Variants in GABRA5 observed in about 807,000 individuals in gnomAD.
GABRA5 encodes gamma-aminobutyric acid receptor subunit alpha-5.
GABRA5 carries 18 observed loss-of-function variants against 47.3 expected under a neutral mutation model. The observed-to-expected ratio is 0.38, with a 90% CI of 0.26 to 0.56. The LOEUF is 0.56. Ranked by LOEUF, GABRA5 falls within the 20% of genes least tolerant of loss-of-function variation. The pLI is 0.71. For synonymous variants in GABRA5, 237 were observed against 229.3 expected (o/e 1.03, Z -0.30); for missense variants, 365 against 599.3 (o/e 0.61, Z 4.08).
chr15:26,926,567 T>G (rs1893967124), intron 7 of GABRA5, among the ~76,000 whole-genome samples: 1 of 152,190 alleles, frequency 6.6e-6, no homozygotes, highest in Non-Finnish European at 1.5e-5. Context: ...GGGACATCAT[T>G]ACTTAGAACA....
Position 26,867,091 on chromosome 15 carries a change from G to C in GABRA5, c.-160G>C, listed in dbSNP as rs1349410531. The C allele has an allele frequency of 6.6e-6, 1 of 152,232 alleles. No homozygotes were observed. The highest frequency in any genetic ancestry group is 1.5e-5 in the Non-Finnish European group (1 of 67,932). The allele number at this position is 152,232 out of a possible 1,614,324, so 9.4% of individuals were successfully genotyped here. ...AGGGCCGATCCTCCAGCCCAGAGAC[G>C]ACATGTGGCGCTCGGGCGAGGTGAG... is the stretch of plus-strand genomic sequence containing the variant. On this transcript the variant is annotated 5_prime_UTR_variant, in exon 1 of 11. Transcript: ENST00000335625. This position sits in a 1 kb window ranked among gnomAD's most constrained non-coding sequence, Gnocchi z 5.9.
At chr15:26,931,710 T>C (rs762385925) in intron 7 of GABRA5, among the ~76,000 whole-genome samples, 5 of 152,214 alleles carry the variant, frequency 3.3e-5, no homozygotes, top group Admixed American at 6.5e-5. Context: ...GAATATTTAT[T>C]ATGAGGACCA....
chr15:26,907,263 G>A (rs570435715), intron 6 of GABRA5, among the ~76,000 whole-genome samples: 5 of 152,290 alleles, frequency 3.3e-5, no homozygotes, highest in South Asian at 2.1e-4. Flanking sequence ...AAACCAAAGC[G>A]TGGATCATTT....
Position 26,883,249 on chromosome 15 carries a change from T to A in GABRA5, c.276+16T>A. On this transcript the variant is annotated intron_variant, in intron 5 of 10. Transcript: ENST00000335625. This position sits in a 1 kb window ranked among gnomAD's most constrained non-coding sequence, Gnocchi z 4.8. ...CACGGAAATGGTAGGTCCCGGGGCA[T>A]GGCTGGGCAGACAATTCTTACTCCG... 2 of 1,613,648 alleles carry A rather than the reference T, an allele frequency of 1.2e-6. No homozygotes were observed. Among genetic ancestry groups the A allele is most frequent in the Non-Finnish European group, 1.7e-6 (2 of 1,179,612 alleles).
At chr15:26,909,314 C>T (rs1893522481) in intron 6 of GABRA5, among the ~76,000 whole-genome samples, 1 of 152,172 alleles carries the variant, frequency 6.6e-6, no homozygotes, top group African/African-American at 2.4e-5. Context: ...CCAGATAACC[C>T]AGGAAAACCT....
At chr15:26,878,932 C>A (rs1422865102) in intron 3 of GABRA5, among the ~76,000 whole-genome samples, 1 of 152,148 alleles carries the variant, frequency 6.6e-6, no homozygotes, top group Non-Finnish European at 1.5e-5. Flanking sequence ...GTCTTTATCT[C>A]CGCTTCTGGA....
intron 6 of GABRA5, among the ~76,000 whole-genome samples, chr15:26,903,885 T>G (rs945828689): frequency 6.6e-6 from 1 of 152,100 alleles, no homozygotes; most frequent in Admixed American, 6.6e-5. Context: ...TATTAGACTT[T>G]TGCAGATATT....
chr15:26,873,910 A>C (rs890845003), intron 3 of GABRA5, among the ~76,000 whole-genome samples: 3 of 152,222 alleles, frequency 2.0e-5, no homozygotes, highest in Non-Finnish European at 4.4e-5. Flanking sequence ...TTAAAAGAGG[A>C]CTATAGGGGA....
chr15:26,898,802 G>A (rs138573239), intron 6 of GABRA5, among the ~76,000 whole-genome samples: 6 of 148,808 alleles, frequency 4.0e-5, no homozygotes, highest in East Asian at 4.0e-4. Context: ...ATCGTTTTTC[G>A]TTTTTAATGT....
At chr15:26,900,206 C>T (rs1277519405) in intron 6 of GABRA5, among the ~76,000 whole-genome samples, 1 of 152,052 alleles carries the variant, frequency 6.6e-6, no homozygotes, top group Non-Finnish European at 1.5e-5. Context: ...TAAATTGTAT[C>T]TTTACACATA....
chr15:26,943,554 A>G (rs1205281484), intron 10 of GABRA5, 128 bp downstream of exon 10: 7 of 807,832 alleles, frequency 8.7e-6, no homozygotes, highest in Non-Finnish European at 1.2e-5. Flanking sequence ...CTTTCCTCAT[A>G]TTCAAGGCCC....
intron 4 of GABRA5, among the ~76,000 whole-genome samples, chr15:26,882,843 G>A (rs746871978): frequency 5.9e-5 from 9 of 152,150 alleles, no homozygotes; most frequent in African/African-American, 9.7e-5. Context: ...GTTTACAGAG[G>A]AGGAAATGGA....
At chr15:26,935,753 A>T (rs948998166) in intron 7 of GABRA5, among the ~76,000 whole-genome samples, 3 of 151,940 alleles carry the variant, frequency 2.0e-5, no homozygotes, top group African/African-American at 7.3e-5. Flanking sequence ...GTCCCAGAGG[A>T]CCCCTATATC....
chr15:26,893,667 C>T (rs1335773361), intron 6 of GABRA5, among the ~76,000 whole-genome samples: 9 of 152,110 alleles, frequency 5.9e-5, no homozygotes, highest in African/African-American at 1.9e-4. Flanking sequence ...AGGGCCTGCT[C>T]ACCCTGGAGT....
chr15:26,885,002 T>A (rs1026353401), intron 6 of GABRA5, among the ~76,000 whole-genome samples: 1 of 152,058 alleles, frequency 6.6e-6, no homozygotes, highest in African/African-American at 2.4e-5. Context: ...TTGTAAAGAA[T>A]GTAGTGACTC....
At chr15:26,934,498 G>A (rs1383489186) in intron 7 of GABRA5, among the ~76,000 whole-genome samples, 1 of 152,256 alleles carries the variant, frequency 6.6e-6, no homozygotes, top group South Asian at 2.1e-4. Flanking sequence ...AATTAAAGTA[G>A]AAAGACCTTT....
At position 26,943,440 on chromosome 15, in the gene GABRA5, C is replaced by T. The variant is rs774379564; in HGVS notation, c.1089+14C>T. The T allele has an allele frequency of 6.4e-7, 1 of 1,564,210 alleles. No homozygotes were observed. Among genetic ancestry groups the T allele is most frequent in the Admixed American group, 1.9e-5 (1 of 53,234 alleles). On this transcript the variant is annotated intron_variant, in intron 10 of 10. Transcript: ENST00000335625. The stretch of plus-strand genomic sequence containing the variant: ...GCCAAGATCAAGGTACTGACTATTT[C>T]TCCTCCTTTCTTCCAGGTCCCCTTG...
At chr15:26,939,805 A>G in intron 8 of GABRA5, 120 bp from the exon 9 acceptor site, 1 of 950,164 alleles carries the variant, frequency 1.1e-6, no homozygotes, top group Non-Finnish European at 1.6e-6. Context: ...AACCCAGATC[A>G]TACAAATGAA....
At chr15:26,901,226 G>A (rs1254169357) in intron 6 of GABRA5, among the ~76,000 whole-genome samples, 1 of 152,144 alleles carries the variant, frequency 6.6e-6, no homozygotes, top group East Asian at 1.9e-4. Flanking sequence ...TTTCTAAGAA[G>A]TTGCCAAGCT....
Sources: allele counts gnomAD v4.1 joint callset (sites outside exome capture counted in the v4.1 genomes callset), GRCh38; gene constraint gnomAD v4.1.1; non-coding constraint Gnocchi (gnomAD v3.1); transcripts MANE v1.5; gene names NCBI Gene and HGNC (gene_info 2026-07-23, HGNC 2026-07-21).